The following AOPEP variants were observed in gnomAD, a reference collection of about 807,000 sequenced individuals.
AOPEP encodes aminopeptidase O.
In AOPEP, 77 loss-of-function variants were observed where a neutral mutation model predicts 98.1. The observed-to-expected ratio is 0.78, with a 90% CI of 0.65 to 0.95. The LOEUF is 0.95. AOPEP is among the 40% of genes least tolerant of loss of function. AOPEP has a pLI of 0.00. For synonymous variants in AOPEP, 346 were observed against 365.3 expected (o/e 0.95, Z 0.60); for missense variants, 1,024 against 1,024.7 (o/e 1.00, Z 0.01).
intron 5 of AOPEP, among the ~76,000 whole-genome samples, chr9:94,815,378 C>T (rs1851477232): frequency 6.6e-6 from 1 of 152,074 alleles, no homozygotes; most frequent in South Asian, 2.1e-4. Flanking sequence ...AGATAAGGGC[C>T]CAGAGTGGCC....
chr9:94,928,485 C>T lies in AOPEP; in HGVS notation c.1615C>T (p.Leu539Phe), dbSNP rs1370208690. 1 of 1,550,664 alleles carries T rather than the reference C, an allele frequency of 6.4e-7. No individual in the cohort carries two copies. Among genetic ancestry groups the T allele is most frequent in the South Asian group, 1.2e-5 (1 of 84,050 alleles). The change falls in exon 7 of 17, where the codon CTC becomes TTC. Residue 539 changes from leucine to phenylalanine, a missense_variant. This residue lies in a region of AOPEP where 566 missense variants were observed against 551.7 expected (regional missense o/e 1.03). Transcript: ENST00000375315. ...GAGGGCTTGTCTGCGCTGGCGTCGC[C>T]TCCAGGACGAGATGCAATGCTCCCC... ...ELRACLRWRR[L>F]QDEMQCSPEE...
At chr9:95,091,593 G>A (rs898932387), downstream of AOPEP, among the ~76,000 whole-genome samples, 10 of 152,176 alleles carry the variant, frequency 6.6e-5, no homozygotes, top group Admixed American at 3.9e-4. Flanking sequence ...GTCGTTCCCA[G>A]CACCCGCGGG....
At chr9:94,830,640 C>T (rs537016961) in intron 5 of AOPEP, among the ~76,000 whole-genome samples, 76 of 152,320 alleles carry the variant, frequency 5.0e-4, no homozygotes, top group African/African-American at 1.7e-3. Context: ...CTGTCTTCCA[C>T]GATGGTTGAA....
chr9:94,860,124 TG>T (rs1340781214), intron 5 of AOPEP, among the ~76,000 whole-genome samples: 4 of 152,104 alleles, frequency 2.6e-5, no homozygotes, highest in Non-Finnish European at 5.9e-5. Context: ...GAGGCAGTGA[TG>T]TAGAAGCTGA....
chr9:94,750,904 C>A lies in AOPEP; in HGVS notation c.-135-8745C>A, dbSNP rs112001443. 5.1e-3 allele frequency among the ~76,000 whole-genome samples: 777 copies of A among 151,682 alleles called. 11 individuals carry two copies. Among genetic ancestry groups the A allele is most frequent in the African/African-American group, 0.018 (738 of 41,396 alleles). On this transcript the variant is annotated intron_variant, in intron 1 of 16. Transcript: ENST00000375315. ...CTGGGACTACAGGCGCCTGCCACCACGCCCGGCTAATTTTTTGTATTTTTA... is the reference window on the plus strand; with the variant it reads ...CTGGGACTACAGGCGCCTGCCACCAAGCCCGGCTAATTTTTTGTATTTTTA...
intron 16 of AOPEP, chr9:95,085,942 C>A: frequency 7.6e-7 from 1 of 1,319,516 alleles, no homozygotes; most frequent in African/African-American, 1.5e-5. Context: ...CAGGCCTTCG[C>A]GTCTCCTGCG....
chr9:94,833,235 C>CAT (rs2041123799), intron 5 of AOPEP, among the ~76,000 whole-genome samples: 1 of 70,324 alleles, frequency 1.4e-5, no homozygotes, highest in Non-Finnish European at 2.5e-5. Context: ...CACACCCGTC[C>CAT]TTTTTTTTTT....
At chr9:94,931,954 A>G in intron 7 of AOPEP, 1 of 1,135,088 alleles carries the variant, frequency 8.8e-7, no homozygotes, top group Non-Finnish European at 1.2e-6. Flanking sequence ...AAGACTGAGT[A>G]ATGCGTCTAA....
chr9:94,767,038 C>G (rs1017877299), intron 2 of AOPEP, among the ~76,000 whole-genome samples: 3 of 152,120 alleles, frequency 2.0e-5, no homozygotes, highest in African/African-American at 7.2e-5. Context: ...TTATATCTCA[C>G]TCTAAAGGAA....
intron 3 of AOPEP, among the ~76,000 whole-genome samples, chr9:94,782,160 A>T (rs780577473): frequency 5.9e-4 from 89 of 151,896 alleles, no homozygotes; most frequent in Non-Finnish European, 9.6e-4. Flanking sequence ...ACTGCACTCC[A>T]GCCTGGGCGA....
At chr9:94,835,604 G>T (rs2041497881) in intron 5 of AOPEP, among the ~76,000 whole-genome samples, 1 of 152,194 alleles carries the variant, frequency 6.6e-6, no homozygotes, top group South Asian at 2.1e-4. Context: ...GCCTTTCTGA[G>T]AAATGCATTG....
chr9:94,999,145 A>C (rs1441761507), intron 11 of AOPEP, among the ~76,000 whole-genome samples: 3 of 152,166 alleles, frequency 2.0e-5, no homozygotes, highest in Non-Finnish European at 4.4e-5. Context: ...ATTAAAAAAA[A>C]ACAAAAAACC....
chr9:95,112,036 A>G, the AOPEP span, among the ~76,000 whole-genome samples: 15 of 152,328 alleles, frequency 9.8e-5, no homozygotes, highest in African/African-American at 3.4e-4. Context: ...AACATGGGCT[A>G]TTTCCCTTCT....
intron 6 of AOPEP, 65 bp downstream of exon 6, chr9:94,924,240 C>A: frequency 1.6e-6 from 2 of 1,270,986 alleles, no homozygotes; most frequent in Non-Finnish European, 2.0e-6. Context: ...GTCATTTGCT[C>A]ACCCAACAGC....
chr9:95,078,001 C>T (rs143663935), intron 14 of AOPEP, among the ~76,000 whole-genome samples: 1 of 152,074 alleles, frequency 6.6e-6, no homozygotes, highest in African/African-American at 2.4e-5. Context: ...ATACACTTAG[C>T]TCTTTATAAT....
intron 5 of AOPEP, among the ~76,000 whole-genome samples, chr9:94,901,095 C>T (rs1213260022): frequency 2.7e-4 from 2 of 7,334 alleles, no homozygotes; most frequent in Non-Finnish European, 2.0e-3. Flanking sequence ...TATGAAACAT[C>T]ATTTCAGTAA....
intron 16 of AOPEP, among the ~76,000 whole-genome samples, chr9:95,083,459 CCACA>C (rs1031604558): frequency 8.8e-5 from 13 of 147,618 alleles, no homozygotes; most frequent in Non-Finnish European, 1.8e-4. Flanking sequence ...AGCGCACGCA[CCACA>C]CAGAGCACAC....
chr9:94,820,826 C>A (rs1297701186), intron 5 of AOPEP, among the ~76,000 whole-genome samples: 2 of 152,198 alleles, frequency 1.3e-5, no homozygotes, highest in African/African-American at 2.4e-5. Flanking sequence ...TTTAGAGAAA[C>A]CTACATGCCA....
chr9:94,848,403 G>T (rs2043113098), intron 5 of AOPEP, among the ~76,000 whole-genome samples: 1 of 133,310 alleles, frequency 7.5e-6, no homozygotes, highest in Non-Finnish European at 1.5e-5. Flanking sequence ...AGTGAGCTGA[G>T]ATTACACCAC....
Sources: gnomAD v4.1 joint callset for allele counts (sites outside exome capture counted in the v4.1 genomes callset) on GRCh38, gnomAD v4.1.1 for gene constraint, gnomAD v4.1.1 regional missense constraint, MANE v1.5 for transcripts, NCBI Gene and HGNC (gene_info 2026-07-23, HGNC 2026-07-21) for gene names.